LRP11: variants seen among roughly 807,000 people sequenced by gnomAD.
LRP11 encodes LDL receptor related protein 11.
A neutral mutation model predicts 43.1 loss-of-function variants in LRP11; 25 were observed. The observed-to-expected ratio is 0.58, with a 90% CI of 0.42 to 0.81. The LOEUF (loss-of-function observed/expected upper bound fraction) is 0.81, where lower values mean the gene tolerates loss of function less well. Among genes scored for constraint, LRP11 ranks in the 30% least tolerant of loss-of-function variants. LRP11 has a pLI of 0.00. For synonymous variants in LRP11, 316 were observed against 299.4 expected, an observed-to-expected ratio of 1.06 and a Z score of -0.57; for missense variants, 623 against 665.1, an observed-to-expected ratio of 0.94 and a Z score of 0.70.
At chr6:149,856,667 A>G (rs1357895864) in intron 1 of LRP11, among the ~76,000 whole-genome samples, 1 of 152,202 alleles carries the variant, frequency 6.6e-6, no homozygotes, top group African/African-American at 2.4e-5. Flanking sequence ...ACTTAGTAAG[A>G]CCTACAGAGG....
intron 1 of LRP11, among the ~76,000 whole-genome samples, chr6:149,861,085 C>T (rs1328967215): frequency 6.6e-6 from 1 of 152,174 alleles, no homozygotes; most frequent in Non-Finnish European, 1.5e-5. Context: ...CTTTCATCCA[C>T]CTCAGATGGA....
At chr6:149,859,396 A>ATTTTTTTTTTTT (rs1163759560) in intron 1 of LRP11, among the ~76,000 whole-genome samples, 6 of 71,496 alleles carry the variant, frequency 8.4e-5, no homozygotes, top group African/African-American at 4.9e-4. Context: ...ATATATATAT[A>ATTTTTTTTTTTT]TTTTTTTTTT....
intron 2 of LRP11, among the ~76,000 whole-genome samples, chr6:149,851,701 C>G (rs1261981016): frequency 2.0e-5 from 3 of 152,184 alleles, no homozygotes; most frequent in Admixed American, 1.3e-4. Context: ...AAAAGTCAGA[C>G]AGATGGCAGA....
chr6:149,827,793 T>C lies in LRP11; in HGVS notation c.1253-1434A>G, dbSNP rs369768717. 1.3e-5 allele frequency among the ~76,000 whole-genome samples: 2 copies of C among 152,196 alleles called. No homozygotes were observed. The highest frequency in any genetic ancestry group is 2.4e-5 in the African/African-American group (1 of 41,456). ...TCCCAGGCCAGGTAGTTCTATAAGA[T>C]TGTATTACATAAGGGCCGCACGCAG... On this transcript the variant is annotated intron_variant, in intron 5 of 6. Coordinates refer to ENST00000239367, the MANE Select transcript of LRP11 (RefSeq NM_032832.6). The surrounding 1 kb of genome is among the most constrained non-coding windows in gnomAD (Gnocchi z 4.2).
In LRP11 at chr6:149,836,122, A is replaced by G. The variant is rs149891024; in HGVS notation, c.1215T>C (p.Phe405=). Reference sequence around the variant, plus strand: ...GAATGATTTGACTCTCTGGTCCCCAAAAGGCGGAATGATTCCTCTTCTCTG... The same window carrying G: ...GAATGATTTGACTCTCTGGTCCCCAGAAGGCGGAATGATTCCTCTTCTCTG... ...SNTEKRNHSA[F]WGPESQIIPV... The change falls in exon 5 of 7, where the codon TTT becomes TTC. Residue 405 remains phenylalanine, a synonymous_variant. Coordinates refer to ENST00000239367, the MANE Select transcript of LRP11 (RefSeq NM_032832.6). 3.1e-6 allele frequency: 5 copies of G among 1,613,944 alleles called. No homozygotes were observed. The African/African-American group carries it at 5.3e-5, about 17-fold the overall frequency.
intron 5 of LRP11, among the ~76,000 whole-genome samples, chr6:149,835,068 G>A (rs2342764): frequency 0.36 from 54,082 of 152,066 alleles, 10,976 homozygotes; most frequent in East Asian, 0.81. Context: ...TTGGAAATGT[G>A]ATAATCTCTA....
chr6:149,848,228 G>A (rs1452319338), intron 2 of LRP11, among the ~76,000 whole-genome samples: 1 of 152,172 alleles, frequency 6.6e-6, no homozygotes, highest in Non-Finnish European at 1.5e-5. Flanking sequence ...TGCTGGTGAG[G>A]TTGTGGAGCA....
Position 149,827,509 on chromosome 6 carries a change from G to A in LRP11, c.1253-1150C>T, listed in dbSNP as rs1225491980. Among the ~76,000 whole-genome samples, 1 of 152,206 alleles carries A rather than the reference G, an allele frequency of 6.6e-6. No homozygotes were observed. Among genetic ancestry groups the A allele is most frequent in the Non-Finnish European group, 1.5e-5 (1 of 68,034 alleles). On this transcript the variant is annotated intron_variant, in intron 5 of 6. Coordinates refer to ENST00000239367, the MANE Select transcript of LRP11 (RefSeq NM_032832.6). This position sits in a 1 kb window ranked among gnomAD's most constrained non-coding sequence, Gnocchi z 4.2. Reference sequence around the variant, plus strand: ...ATGCCTATAATCCTGGCACTTTGGGGACAGTCTACTGTGTCTTGTTACTCT... The same window carrying A: ...ATGCCTATAATCCTGGCACTTTGGGAACAGTCTACTGTGTCTTGTTACTCT...
At chr6:149,862,577 C>CCTTTTTT (rs57368910) in intron 1 of LRP11, among the ~76,000 whole-genome samples, 2 of 126,202 alleles carry the variant, frequency 1.6e-5, no homozygotes, top group South Asian at 2.5e-4. Flanking sequence ...TTTTCTTTTC[C>CCTTTTTT]TTTTTTTTTT....
intron 2 of LRP11, among the ~76,000 whole-genome samples, chr6:149,846,444 G>A (rs996005491): frequency 7.9e-5 from 12 of 152,158 alleles, no homozygotes; most frequent in African/African-American, 2.4e-4. Flanking sequence ...CAGCTGCTCC[G>A]CCTGAAAGCA....
rs982298320 is a variant in LRP11 at position 149,863,882 on chromosome 6, C to T, written c.139G>A (p.Glu47Lys). The part of the protein sequence containing the change: ...AALPPAAPLS[E>K]LHAQLSGVEQ... ...ACGCCCGACAGCTGCGCGTGCAGTT[C>T]GGACAGCGGCGCCGCGGGCGGCAAG... Residue 47 changes from glutamate to lysine, a missense_variant, in exon 1 of 7, where the codon GAA (glutamate) becomes AAA (lysine). Coordinates refer to ENST00000239367, the MANE Select transcript of LRP11 (RefSeq NM_032832.6). 6.7e-7 allele frequency: 1 copy of T among 1,494,674 alleles called. No individual in the cohort carries two copies. Among genetic ancestry groups the T allele is most frequent in the Non-Finnish European group, 8.8e-7 (1 of 1,130,306 alleles). The allele number at this position is 1,494,674 out of a possible 1,614,324, so 92.6% of individuals were successfully genotyped here. A position where few individuals can be genotyped will look rare whatever the true frequency, so the allele number is the denominator to read the frequency against.
rs1776243497 is a variant in LRP11 at position 149,818,870 on chromosome 6, T to C, written c.*1679A>G. On this transcript the variant is annotated 3_prime_UTR_variant, in exon 7 of 7. Transcript: ENST00000239367. ...GAACATCTTGGATATTTCAACACCA[T>C]AGCAACACAAAATTAATTTCTTCAT... 2 of 152,608 alleles carry C rather than the reference T, an allele frequency of 1.3e-5. No individual in the cohort carries two copies. The highest frequency in any genetic ancestry group is 2.9e-5 in the Non-Finnish European group (2 of 68,018). 9.5% of individuals were successfully genotyped at this position (152,608 alleles called of 1,614,324 possible).
At chr6:149,859,909 TA>T (rs1026766520) in intron 1 of LRP11, among the ~76,000 whole-genome samples, 3 of 152,092 alleles carry the variant, frequency 2.0e-5, no homozygotes, top group Non-Finnish European at 4.4e-5. Flanking sequence ...TGGCTTAATT[TA>T]AAAAAAATTT....
intron 3 of LRP11, among the ~76,000 whole-genome samples, chr6:149,840,608 C>T (rs1776532147): frequency 6.6e-6 from 1 of 152,196 alleles, no homozygotes; most frequent in African/African-American, 2.4e-5. Context: ...CCCTCCCAGG[C>T]ACTTCAGCTG....
Position 149,820,325 on chromosome 6 carries a change from T to A in LRP11, c.*224A>T. ...CAGGGACAGCTTACATAAATCAGAA[T>A]TATATTTTTAGGAATCTTTAATCAT... On this transcript the variant is annotated 3_prime_UTR_variant, in exon 7 of 7. Coordinates refer to ENST00000239367, the MANE Select transcript of LRP11 (RefSeq NM_032832.6). 2.6e-6 allele frequency: 1 copy of A among 388,298 alleles called. No individual in the cohort carries two copies. Among genetic ancestry groups the A allele is most frequent in the South Asian group, 3.7e-5 (1 of 27,088 alleles). 24.1% of individuals were successfully genotyped at this position (388,298 alleles called of 1,614,324 possible).
chr6:149,863,549 G>C lies in LRP11; in HGVS notation c.472C>G (p.Leu158Val). Residue 158 changes from leucine (L) to valine (V), a missense_variant, in exon 1 of 7, where the codon CTC (leucine) becomes GTC (valine). By Grantham distance (32) the Leu-to-Val change is conservative (BLOSUM62 1). Coordinates refer to ENST00000239367, the MANE Select transcript of LRP11 (RefSeq NM_032832.6). Reference sequence around the variant, plus strand: ...GTGCAGTTGAAGAGGTAGCAGCCGAGCACGGCTGCCGGGGGCGCGGGGCGC... The same window carrying C: ...GTGCAGTTGAAGAGGTAGCAGCCGACCACGGCTGCCGGGGGCGCGGGGCGC... ...PRRPAPPAAV[L>V]GCYLFNCTAR... The C allele has an allele frequency of 2.9e-6, 4 of 1,371,744 alleles. No individual in the cohort carries two copies. The highest frequency in any genetic ancestry group is 3.7e-6 in the Non-Finnish European group (4 of 1,070,358). The allele number at this position is 1,371,744 out of a possible 1,614,324, so 85.0% of individuals were successfully genotyped here.
intron 6 of LRP11, 64 bp downstream of exon 6, chr6:149,826,199 AG>A: frequency 1.6e-6 from 2 of 1,224,186 alleles, no homozygotes; most frequent in Non-Finnish European, 2.4e-6. Context: ...GAATATCCTC[AG>A]CCAGAGGGCA....
chr6:149,829,137 C>T (rs1776375973), intron 5 of LRP11, among the ~76,000 whole-genome samples: 1 of 152,172 alleles, frequency 6.6e-6, no homozygotes, highest in Non-Finnish European at 1.5e-5. Flanking sequence ...CTTTCCTCCT[C>T]CCCCATGCCG....
At chr6:149,842,662 A>C in intron 3 of LRP11, 1 of 1,551,142 alleles carries the variant, frequency 6.4e-7, no homozygotes. Flanking sequence ...CAGATGCAGC[A>C]AATGGACCAT....
Sources: gnomAD v4.1 joint callset for allele counts (sites outside exome capture counted in the v4.1 genomes callset) on GRCh38, gnomAD v4.1.1 for gene constraint, Gnocchi (gnomAD v3.1) non-coding constraint, MANE v1.5 for transcripts, NCBI Gene and HGNC (gene_info 2026-07-23, HGNC 2026-07-21) for gene names.